The following LGR4 variants were observed in gnomAD, a reference collection of about 807,000 sequenced individuals.
LGR4 encodes leucine rich repeat containing G protein-coupled receptor 4, also known as leucine-rich repeat-containing G protein-coupled receptor 4.
LGR4 carries 44 observed loss-of-function variants against 84.8 expected under a neutral mutation model. The observed-to-expected ratio is 0.52, with a 90% CI of 0.41 to 0.67. The LOEUF (loss-of-function observed/expected upper bound fraction) is 0.67. Ranked by LOEUF, LGR4 falls within the 30% of genes least tolerant of loss-of-function variation. The probability of loss-of-function intolerance (pLI) is 0.00; values close to 1 mark genes in which losing one functional copy is unlikely to be tolerated. For synonymous variants in LGR4, 429 were observed against 434.3 expected, an observed-to-expected ratio of 0.99 and a Z score of 0.15; for missense variants, 1,032 against 1,131.4, an observed-to-expected ratio of 0.91 and a Z score of 1.26.
intron 1 of LGR4, among the ~76,000 whole-genome samples, chr11:27,471,182 T>G (rs1165375394): frequency 6.6e-6 from 1 of 152,210 alleles, no homozygotes; most frequent in Non-Finnish European, 1.5e-5. Flanking sequence ...TCTTCTTTTC[T>G]CAAGGGAACG....
At chr11:27,379,395 G>C (rs779028097) in intron 10 of LGR4, among the ~76,000 whole-genome samples, 5 of 152,192 alleles carry the variant, frequency 3.3e-5, no homozygotes, top group Non-Finnish European at 7.3e-5. Flanking sequence ...TGGTCAGGTA[G>C]ACTATTCCCA....
chr11:27,410,175 A>G (rs1244816406), intron 2 of LGR4, among the ~76,000 whole-genome samples: 2 of 152,102 alleles, frequency 1.3e-5, no homozygotes, highest in Non-Finnish European at 2.9e-5. Flanking sequence ...GGACAGCACA[A>G]CTCTAGAGGG....
chr11:27,407,304 T>A (rs903977537), intron 2 of LGR4, among the ~76,000 whole-genome samples: 1 of 152,100 alleles, frequency 6.6e-6, no homozygotes, highest in African/African-American at 2.4e-5. Flanking sequence ...GACTGGATGG[T>A]CCCTTTAGCT....
intron 1 of LGR4, among the ~76,000 whole-genome samples, chr11:27,428,864 A>G (rs1488739185): frequency 6.6e-6 from 1 of 152,158 alleles, no homozygotes; most frequent in Admixed American, 6.5e-5. Flanking sequence ...ACAGGCATGT[A>G]CCACTGTGTG....
chr11:27,373,789 G>T, intron 14 of LGR4, 113 bp from the exon 15 acceptor site: 2 of 1,122,030 alleles, frequency 1.8e-6, no homozygotes, highest in South Asian at 1.6e-5. Context: ...TTCAAGTGGG[G>T]GTGCTAAAAT....
chr11:27,376,380 A>G lies in LGR4; in HGVS notation c.1110-10T>C. On this transcript the variant is annotated splice_polypyrimidine_tract_variant and intron_variant, in intron 12 of 17. Coordinates refer to ENST00000379214, the MANE Select transcript of LGR4 (RefSeq NM_018490.5). ...ATTACGCTGTAAAGAACTAAATAAA[A>G]AAAGAAGAAGAAAGAAGACGAAGAC... is the stretch of plus-strand genomic sequence containing the variant. 1 of 1,430,054 alleles carries G rather than the reference A, an allele frequency of 7.0e-7. No homozygotes were observed. Among genetic ancestry groups the G allele is most frequent in the Non-Finnish European group, 9.7e-7 (1 of 1,033,932 alleles). The allele number at this position is 1,430,054 out of a possible 1,614,324, so 88.6% of individuals were successfully genotyped here.
Position 27,386,922 on chromosome 11 carries a change from A to G in LGR4, c.402-1454T>C, listed in dbSNP as rs182108100. ...TTGCCCTGAGACAGGCAACTTTTAC[A>G]TAACAGACTGGCCAAGTACTGGCTA... is the stretch of plus-strand genomic sequence containing the variant. On this transcript the variant is annotated intron_variant, in intron 4 of 17. Coordinates refer to ENST00000379214, the MANE Select transcript of LGR4 (RefSeq NM_018490.5). Among the ~76,000 whole-genome samples, 6 of 152,316 alleles carry G rather than the reference A, an allele frequency of 3.9e-5. No individual in the cohort carries two copies. In the East Asian group the frequency reaches 9.7e-4, roughly 25 times the overall value.
intron 1 of LGR4, among the ~76,000 whole-genome samples, chr11:27,430,152 T>C (rs1864092259): frequency 6.6e-6 from 1 of 152,144 alleles, no homozygotes; most frequent in Non-Finnish European, 1.5e-5. Flanking sequence ...CCCTAGTGTG[T>C]TTTCCCAGCT....
At position 27,384,461 on chromosome 11, in the gene LGR4, T is replaced by C. The variant is rs1863151757; in HGVS notation, c.618-54A>G. ...TTTTCCATCTCCCATTGGCAACTATTATCATTGTTTTATATGTCTGAGTTG... is the reference window on the plus strand; with the variant it reads ...TTTTCCATCTCCCATTGGCAACTATCATCATTGTTTTATATGTCTGAGTTG... On this transcript the variant is annotated intron_variant, in intron 5 of 17. Transcript: ENST00000379214. The C allele has an allele frequency of 4.1e-6, 5 of 1,210,024 alleles. No individual in the cohort carries two copies. In the South Asian group the frequency reaches 6.1e-5, roughly 15 times the overall value. 75.0% of individuals were successfully genotyped at this position (1,210,024 alleles called of 1,614,324 possible). A position where few individuals can be genotyped will look rare whatever the true frequency, so the allele number is the denominator to read the frequency against.
intron 1 of LGR4, among the ~76,000 whole-genome samples, chr11:27,419,356 G>A (rs1433375394): frequency 6.6e-6 from 1 of 151,714 alleles, no homozygotes; most frequent in African/African-American, 2.4e-5. Flanking sequence ...AGACCACAAT[G>A]AGACATGATA....
At chr11:27,412,106 T>C (rs777813461) in intron 2 of LGR4, among the ~76,000 whole-genome samples, 2 of 152,104 alleles carry the variant, frequency 1.3e-5, no homozygotes, top group South Asian at 2.1e-4. Context: ...CCCAATTCTT[T>C]TAAAACCCGA....
intron 4 of LGR4, among the ~76,000 whole-genome samples, chr11:27,389,876 CAAT>C (rs1863250167): frequency 6.6e-6 from 1 of 152,062 alleles, no homozygotes; most frequent in African/African-American, 2.4e-5. Flanking sequence ...AGAACATACC[CAAT>C]TAGCTGTGGT....
intron 4 of LGR4, 167 bp from the exon 5 acceptor site, chr11:27,385,635 A>G: frequency 2.3e-6 from 1 of 438,408 alleles, no homozygotes; most frequent in Non-Finnish European, 4.0e-6. Flanking sequence ...TGATCTGTAT[A>G]GTGTATGAAA....
chr11:27,393,502 C>T (rs1204315969), intron 2 of LGR4, among the ~76,000 whole-genome samples: 1 of 151,702 alleles, frequency 6.6e-6, no homozygotes, highest in Non-Finnish European at 1.5e-5. Flanking sequence ...CCAAGTCCTC[C>T]TTTAAAATTC....
rs1864889563 is a variant in LGR4 at position 27,472,172 on chromosome 11, G to T, written c.131C>A (p.Ser44Tyr). 4 of 1,399,870 alleles carry T rather than the reference G, an allele frequency of 2.9e-6. No individual in the cohort carries two copies. Among genetic ancestry groups the T allele is most frequent in the Non-Finnish European group, 3.7e-6 (4 of 1,076,222 alleles). 86.7% of individuals were successfully genotyped at this position (1,399,870 alleles called of 1,614,324 possible). The change falls in exon 1 of 18, where the codon TCC (serine) becomes TAC (tyrosine). Residue 44 changes from serine (S) to tyrosine (Y), a missense_variant. Physicochemically the swap from Ser to Tyr is moderately radical, Grantham distance 144 (BLOSUM62 -2). Coordinates refer to ENST00000379214, the MANE Select transcript of LGR4 (RefSeq NM_018490.5). ...GGGCACGGCCGTCAGCCCCTTCCCG[G>T]AGCAGTCCACCCGACGGTCGCCGTC... ...SCDGDRRVDC[S>Y]GKGLTAVPEG... is the part of the protein sequence containing the mutation.
chr11:27,434,627 C>G (rs978313192), intron 1 of LGR4, among the ~76,000 whole-genome samples: 3 of 152,148 alleles, frequency 2.0e-5, no homozygotes. Flanking sequence ...AACGCAGTGG[C>G]TAAAGACAAT....
chr11:27,471,497 TG>T (rs772564960), intron 1 of LGR4, among the ~76,000 whole-genome samples: 1 of 152,248 alleles, frequency 6.6e-6, no homozygotes, highest in Non-Finnish European at 1.5e-5. Flanking sequence ...TGCAGAAGCC[TG>T]GGCGTTAGTG....
At chr11:27,453,132 G>A (rs908190383) in intron 1 of LGR4, among the ~76,000 whole-genome samples, 3 of 151,660 alleles carry the variant, frequency 2.0e-5, no homozygotes, top group Non-Finnish European at 4.4e-5. Flanking sequence ...GCAGTGGTGC[G>A]ATCTCAGCTC....
At chr11:27,416,594 C>T (rs2133403575) in intron 1 of LGR4, among the ~76,000 whole-genome samples, 1 of 152,262 alleles carries the variant, frequency 6.6e-6, no homozygotes, top group South Asian at 2.1e-4. Flanking sequence ...CTAAATGTTG[C>T]AGAAGACCTA....
Sources: gnomAD v4.1 joint callset for allele counts (sites outside exome capture counted in the v4.1 genomes callset) on GRCh38, gnomAD v4.1.1 for gene constraint, MANE v1.5 for transcripts, NCBI Gene and HGNC (gene_info 2026-07-23, HGNC 2026-07-21) for gene names.